SEZ6L: variants seen among roughly 807,000 people sequenced by gnomAD.
SEZ6L encodes the protein seizure 6-like protein.
Under a neutral mutation model 106.2 loss-of-function variants are expected in SEZ6L, and 37 were observed. That is an observed-to-expected ratio of 0.35 (90% CI 0.27 to 0.46). SEZ6L has a LOEUF of 0.46. Among genes scored for constraint, SEZ6L ranks in the 20% least tolerant of loss-of-function variants. The pLI is 1.00. For synonymous variants in SEZ6L, 541 were observed against 570.4 expected (o/e 0.95, Z 0.73); for missense variants, 1,172 against 1,332.8 (o/e 0.88, Z 1.88).
At chr22:26,322,515 A>G (rs2082184227) in intron 9 of SEZ6L, among the ~76,000 whole-genome samples, 1 of 152,210 alleles carries the variant, frequency 6.6e-6, no homozygotes, top group Non-Finnish European at 1.5e-5. Flanking sequence ...GAGGGGAACT[A>G]GATTTATCTC....
chr22:26,283,724 G>T (rs966796110), intron 1 of SEZ6L, among the ~76,000 whole-genome samples: 6 of 152,008 alleles, frequency 3.9e-5, no homozygotes, highest in African/African-American at 1.2e-4. Flanking sequence ...AGTAAAATAA[G>T]AACAAGTGCA....
chr22:26,199,095 C>G (rs1437868833), intron 1 of SEZ6L, among the ~76,000 whole-genome samples: 1 of 152,128 alleles, frequency 6.6e-6, no homozygotes, highest in Non-Finnish European at 1.5e-5. Context: ...AATCTTCTGC[C>G]CATTGAGAAG....
chr22:26,237,858 C>T (rs1191779229), intron 1 of SEZ6L, among the ~76,000 whole-genome samples: 3 of 152,052 alleles, frequency 2.0e-5, no homozygotes, highest in Non-Finnish European at 4.4e-5. Flanking sequence ...TTTCACATGC[C>T]GGCTGTTTAA....
chr22:26,316,905 G>GAAAGAAAGAA (rs2082017668), intron 9 of SEZ6L, among the ~76,000 whole-genome samples: 1 of 60,990 alleles, frequency 1.6e-5, no homozygotes, highest in Admixed American at 1.9e-4. Context: ...AAAGAAAGAA[G>GAAAGAAAGAA]AAAGAAAGAA....
At chr22:26,261,524 C>A (rs1264819865) in intron 1 of SEZ6L, among the ~76,000 whole-genome samples, 1 of 152,142 alleles carries the variant, frequency 6.6e-6, no homozygotes, top group Non-Finnish European at 1.5e-5. Flanking sequence ...TTTGCTTCAA[C>A]AAACCATTTA....
intron 1 of SEZ6L, among the ~76,000 whole-genome samples, chr22:26,281,540 A>T (rs2080769207): frequency 6.8e-6 from 1 of 147,342 alleles, no homozygotes; most frequent in African/African-American, 2.5e-5. Context: ...ATGGCCGGCT[A>T]CTTTTTTTAA....
At chr22:26,362,248 G>A (rs1263622773) in intron 12 of SEZ6L, among the ~76,000 whole-genome samples, 1 of 152,162 alleles carries the variant, frequency 6.6e-6, no homozygotes, top group Non-Finnish European at 1.5e-5. Context: ...CAGAAGCGTT[G>A]GCTGCATATC....
At chr22:26,304,821 C>T (rs974096246) in intron 5 of SEZ6L, among the ~76,000 whole-genome samples, 15 of 151,934 alleles carry the variant, frequency 9.9e-5, no homozygotes, top group Admixed American at 3.3e-4. Context: ...TCTTTGAGAA[C>T]ATGGTATTTA....
chr22:26,263,654 GT>G (rs2080087998), intron 1 of SEZ6L, among the ~76,000 whole-genome samples: 1 of 152,190 alleles, frequency 6.6e-6, no homozygotes, highest in Non-Finnish European at 1.5e-5. Flanking sequence ...GAGATAGACA[GT>G]TTCCCTTTTA....
Position 26,347,846 on chromosome 22 carries a change from G to A in SEZ6L, c.2340G>A (p.Val780=), listed in dbSNP as rs149442184. The change falls in exon 11 of 17, where the codon GTG becomes GTA. Residue 780 remains valine (V), a synonymous_variant. Transcript: ENST00000248933. ...TYQCDPGYDI[V]GSDTLTCQWD... ...AGTGTGACCCCGGCTATGACATCGTGGGGAGTGACACCCTCACCTGCCAGT... is the reference window on the plus strand; with the variant it reads ...AGTGTGACCCCGGCTATGACATCGTAGGGAGTGACACCCTCACCTGCCAGT... 11 of 1,604,116 alleles carry A rather than the reference G, an allele frequency of 6.9e-6. No homozygotes were observed. The highest frequency in any genetic ancestry group is 6.7e-5 in the South Asian group (6 of 89,276).
Position 26,283,178 on chromosome 22 carries a change from C to T in SEZ6L, c.95-9228C>T, listed in dbSNP as rs2080828316. Among the ~76,000 whole-genome samples, 4 of 152,112 alleles carry T rather than the reference C, an allele frequency of 2.6e-5. No homozygotes were observed. The South Asian group carries it at 8.3e-4, about 32-fold the overall frequency. On this transcript the variant is annotated intron_variant, in intron 1 of 16. Transcript: ENST00000248933. Reference sequence around the variant, plus strand: ...CTCATGATCTACCCACCTCAGCCTCCCAAAGTGCTGGGATTACAGGCGTGA... The same window carrying T: ...CTCATGATCTACCCACCTCAGCCTCTCAAAGTGCTGGGATTACAGGCGTGA...
intron 9 of SEZ6L, among the ~76,000 whole-genome samples, chr22:26,315,165 G>T (rs1450059551): frequency 1.3e-5 from 2 of 152,196 alleles, no homozygotes; most frequent in Non-Finnish European, 2.9e-5. Context: ...ACCGGCTTTT[G>T]AGGCTGTTCC....
At chr22:26,375,147 T>G (rs1568958551) in intron 14 of SEZ6L, among the ~76,000 whole-genome samples, 1 of 152,060 alleles carries the variant, frequency 6.6e-6, no homozygotes, top group Non-Finnish European at 1.5e-5. Flanking sequence ...AAACCCAGAT[T>G]CGCCCACCAC....
intron 1 of SEZ6L, among the ~76,000 whole-genome samples, chr22:26,255,497 C>G (rs1223255393): frequency 6.6e-6 from 1 of 152,242 alleles, no homozygotes; most frequent in African/African-American, 2.4e-5. Flanking sequence ...GAAGGACTTT[C>G]TGTGAGGTTT....
At chr22:26,306,687 A>G (rs895405821) in intron 6 of SEZ6L, among the ~76,000 whole-genome samples, 9 of 152,332 alleles carry the variant, frequency 5.9e-5, no homozygotes, top group African/African-American at 2.2e-4. Context: ...CAGAATTATA[A>G]AACTTTAATA....
intron 12 of SEZ6L, among the ~76,000 whole-genome samples, chr22:26,353,592 G>C (rs1453711784): frequency 6.6e-6 from 1 of 152,188 alleles, no homozygotes; most frequent in Admixed American, 6.5e-5. Context: ...GTTGGTTCCT[G>C]TTATAGGTTG....
intron 11 of SEZ6L, among the ~76,000 whole-genome samples, chr22:26,350,750 G>A (rs1159614590): frequency 6.7e-6 from 1 of 149,060 alleles, no homozygotes; most frequent in Admixed American, 6.8e-5. Context: ...TCCGCTTCCC[G>A]GGTTCACGCC....
chr22:26,305,955 C>T, intron 5 of SEZ6L, 24 bp from the exon 6 acceptor site: 1 of 1,582,844 alleles, frequency 6.3e-7, no homozygotes, highest in Non-Finnish European at 8.6e-7. Flanking sequence ...TCTCCCATTG[C>T]CCACCCACCC....
chr22:26,278,442 A>T (rs1057275110), intron 1 of SEZ6L, among the ~76,000 whole-genome samples: 4 of 151,882 alleles, frequency 2.6e-5, no homozygotes, highest in African/African-American at 9.7e-5. Context: ...CCCGTCTTCC[A>T]CCCTCCCCAC....
Sources: gnomAD v4.1 joint callset for allele counts (sites outside exome capture counted in the v4.1 genomes callset) on GRCh38, gnomAD v4.1.1 for gene constraint, MANE v1.5 for transcripts, NCBI Gene and HGNC (gene_info 2026-07-23, HGNC 2026-07-21) for gene names.